Variants in ARFIP1 observed in about 807,000 individuals in gnomAD.
The protein encoded by ARFIP1 is arfaptin-1.
Under a neutral mutation model 42.5 loss-of-function variants are expected in ARFIP1, and 24 were observed. The observed-to-expected ratio is 0.57, with a 90% CI of 0.41 to 0.80. ARFIP1 has a LOEUF of 0.80. Among genes scored for constraint, ARFIP1 ranks in the 30% least tolerant of loss-of-function variants. ARFIP1 has a pLI of 0.00. For missense variants in ARFIP1, 354 were observed against 434.0 expected (o/e 0.82, Z 1.64); for synonymous variants, 141 against 153.7 (o/e 0.92, Z 0.61).
chr4:152,796,702 T>C, intron 1 of ARFIP1: 2 of 879,228 alleles, frequency 2.3e-6, no homozygotes, highest in South Asian at 1.3e-5. Flanking sequence ...AAGCTTAGCC[T>C]TCAGACCAAT....
intron 8 of ARFIP1, among the ~76,000 whole-genome samples, chr4:152,904,168 ATG>A (rs35408103): frequency 0.021 from 2,821 of 132,504 alleles, 39 homozygotes; most frequent in South Asian, 0.058. Flanking sequence ...CTATATATAT[ATG>A]TGTGTGTGTG....
At chr4:152,820,726 A>G (rs1416906706) in intron 1 of ARFIP1, among the ~76,000 whole-genome samples, 1 of 152,208 alleles carries the variant, frequency 6.6e-6, no homozygotes, top group Non-Finnish European at 1.5e-5. Flanking sequence ...ACCTCCCACC[A>G]GGCTCCTCTT....
At position 152,878,363 on chromosome 4, in the gene ARFIP1, C is replaced by A. The variant is rs1211910964; in HGVS notation, c.412-2600C>A. On this transcript the variant is annotated intron_variant, in intron 5 of 8. Transcript: ENST00000353617. ...TGATCTCCAATATTACATTTTATTTCAGTATATACTGGAAAGCAATTTAAA... is the reference window on the plus strand; with the variant it reads ...TGATCTCCAATATTACATTTTATTTAAGTATATACTGGAAAGCAATTTAAA... Among the ~76,000 whole-genome samples the A allele has an allele frequency of 2.6e-5, 4 of 152,230 alleles. No homozygotes were observed. In the East Asian group the frequency reaches 7.7e-4, roughly 29 times the overall value.
chr4:152,859,476 G>C (rs537453998), intron 2 of ARFIP1, among the ~76,000 whole-genome samples: 14 of 152,266 alleles, frequency 9.2e-5, no homozygotes, highest in Admixed American at 9.2e-4. Flanking sequence ...TGAATATAGA[G>C]TGATGTTCTT....
intron 8 of ARFIP1, among the ~76,000 whole-genome samples, chr4:152,906,542 G>A (rs1579055585): frequency 6.6e-6 from 1 of 152,056 alleles, no homozygotes; most frequent in African/African-American, 2.4e-5. Flanking sequence ...CTCTTCTCAC[G>A]ATCTCCTCTT....
chr4:152,810,894 G>A (rs1304324970), intron 1 of ARFIP1, among the ~76,000 whole-genome samples: 1 of 151,934 alleles, frequency 6.6e-6, no homozygotes, highest in Admixed American at 6.6e-5. Flanking sequence ...TCTACTGTAT[G>A]ATAGTGTGCT....
Position 152,910,077 on chromosome 4 carries a change from A to G in ARFIP1, c.980A>G (p.His327Arg). The G allele has an allele frequency of 6.2e-7, 1 of 1,614,164 alleles. No homozygotes were observed. The highest frequency in any genetic ancestry group is 1.3e-5 in the African/African-American group (1 of 75,046). The stretch of plus-strand genomic sequence containing the variant: ...CCCTGTCCACAGGTTAAAGTATTGC[A>G]CAATCAGCTGGTCCTTTTCCACAAT... ...FLEENKVKVL[H>R]NQLVLFHNAI... The change falls in exon 9 of 9, where the codon CAC (histidine) becomes CGC (arginine). Residue 327 changes from histidine to arginine, a missense_variant. Coordinates refer to ENST00000353617, the MANE Select transcript of ARFIP1 (RefSeq NM_001025595.3).
chr4:152,862,170 G>A (rs2149875379), intron 2 of ARFIP1, among the ~76,000 whole-genome samples: 1 of 152,214 alleles, frequency 6.6e-6, no homozygotes. Context: ...GATAATGACT[G>A]CCCAGTGCTA....
At chr4:152,906,474 T>C (rs1367274030) in intron 8 of ARFIP1, among the ~76,000 whole-genome samples, 1 of 152,216 alleles carries the variant, frequency 6.6e-6, no homozygotes, top group Non-Finnish European at 1.5e-5. Flanking sequence ...TCACCTCCCA[T>C]CTTGATCTGT....
chr4:152,863,649 C>G lies in ARFIP1; in HGVS notation c.137C>G (p.Thr46Ser). ...SLPSGLGLSE[T>S]QITSHGFDNT... Reference sequence around the variant, plus strand: ...CCATCTGGACTTGGTCTCTCAGAAACCCAAATTACATCTCATGGCTTTGAC... The same window carrying G: ...CCATCTGGACTTGGTCTCTCAGAAAGCCAAATTACATCTCATGGCTTTGAC... Residue 46 changes from threonine to serine, a missense_variant, in exon 3 of 9, where the codon ACC (threonine) becomes AGC (serine). Physicochemically the swap from Thr to Ser is moderately conservative, Grantham distance 58. Coordinates refer to ENST00000353617, the MANE Select transcript of ARFIP1 (RefSeq NM_001025595.3). The G allele has an allele frequency of 3.1e-6, 5 of 1,611,256 alleles. No homozygotes were observed. Among genetic ancestry groups the G allele is most frequent in the Non-Finnish European group, 4.2e-6 (5 of 1,177,830 alleles).
chr4:152,903,349 G>C (rs1030133163), intron 8 of ARFIP1, among the ~76,000 whole-genome samples: 2 of 152,216 alleles, frequency 1.3e-5, no homozygotes, highest in Middle Eastern at 3.4e-3. Flanking sequence ...CTACATTACA[G>C]TAACCAATAC....
chr4:152,799,217 TAG>T (rs2149821921), intron 1 of ARFIP1, among the ~76,000 whole-genome samples: 2 of 126,822 alleles, frequency 1.6e-5, no homozygotes, highest in East Asian at 5.1e-4. Context: ...TTGTAATGAA[TAG>T]ATATACATAT....
At chr4:152,904,415 C>A (rs1432770299) in intron 8 of ARFIP1, among the ~76,000 whole-genome samples, 20 of 151,970 alleles carry the variant, frequency 1.3e-4, no homozygotes, top group Admixed American at 7.9e-4. Context: ...TGGTCTTGAA[C>A]TCCAGACCTC....
At chr4:152,854,861 C>T (rs1441088296) in intron 2 of ARFIP1, among the ~76,000 whole-genome samples, 1 of 152,178 alleles carries the variant, frequency 6.6e-6, no homozygotes, top group Non-Finnish European at 1.5e-5. Flanking sequence ...GCTGAGCATG[C>T]CTGTCCTTTG....
rs940720854 is a variant in ARFIP1, at chr4:152,796,600, T to A, written c.-10+16374T>A. On this transcript the variant is annotated intron_variant, in intron 1 of 8. Coordinates refer to ENST00000353617, the MANE Select transcript of ARFIP1 (RefSeq NM_001025595.3). ...GGCAGGTACTGCTCCCTGTGGAATCTTTTCATCATTCTTTTGTTTGGTGTT... is the reference window on the plus strand; with the variant it reads ...GGCAGGTACTGCTCCCTGTGGAATCATTTCATCATTCTTTTGTTTGGTGTT... 4.6e-6 allele frequency: 4 copies of A among 875,508 alleles called. No individual in the cohort carries two copies. The African/African-American group carries it at 6.7e-5, about 15-fold the overall frequency. 54.2% of individuals were successfully genotyped at this position (875,508 alleles called of 1,614,324 possible). A position where few individuals can be genotyped will look rare whatever the true frequency, so the allele number is the denominator to read the frequency against.
intron 6 of ARFIP1, 76 bp from the exon 7 acceptor site, chr4:152,882,647 A>T: frequency 7.3e-7 from 1 of 1,364,156 alleles, no homozygotes; most frequent in Non-Finnish European, 1.0e-6. Context: ...TTTTCCCATT[A>T]GTGACGTGCT....
intron 8 of ARFIP1, among the ~76,000 whole-genome samples, chr4:152,894,703 G>A (rs377559339): frequency 1.3e-5 from 2 of 152,176 alleles, no homozygotes; most frequent in East Asian, 1.9e-4. Context: ...AAAAGAACCT[G>A]CCTTTCAACA....
At chr4:152,824,374 A>G (rs1326078155) in intron 1 of ARFIP1, among the ~76,000 whole-genome samples, 1 of 152,194 alleles carries the variant, frequency 6.6e-6, no homozygotes, top group Non-Finnish European at 1.5e-5. Context: ...CCAGGGATTC[A>G]GAGATGGTTC....
intron 1 of ARFIP1, among the ~76,000 whole-genome samples, chr4:152,791,413 A>G (rs1242504480): frequency 1.3e-5 from 2 of 152,214 alleles, no homozygotes; most frequent in South Asian, 2.1e-4. Context: ...GGAGTCATGT[A>G]TGGTAACTCA....
Sources: allele counts gnomAD v4.1 joint callset (sites outside exome capture counted in the v4.1 genomes callset), GRCh38; gene constraint gnomAD v4.1.1; transcripts MANE v1.5; gene names NCBI Gene and HGNC (gene_info 2026-07-23, HGNC 2026-07-21).